AMOTL1: variants seen among roughly 807,000 people sequenced by gnomAD.
AMOTL1 encodes the protein angiomotin-like protein 1.
In AMOTL1, 45 loss-of-function variants were observed where a neutral mutation model predicts 102.9. The ratio of observed to expected loss-of-function variants is 0.44; its 90% CI spans 0.34 to 0.56. The LOEUF is 0.56. Among genes scored for constraint, AMOTL1 ranks in the 20% least tolerant of loss-of-function variants. The pLI is 0.01. For synonymous variants in AMOTL1, 481 were observed against 484.7 expected (o/e 0.99, Z 0.10); for missense variants, 1,114 against 1,225.6 (o/e 0.91, Z 1.36).
intron 6 of AMOTL1, among the ~76,000 whole-genome samples, chr11:94,834,654 T>C (rs1952137557): frequency 6.6e-6 from 1 of 152,182 alleles, no homozygotes; most frequent in Admixed American, 6.5e-5. Flanking sequence ...GCTGTGAAGC[T>C]TCTGCCAGCC....
chr11:94,860,129 T>C (rs1952747053), intron 9 of AMOTL1, among the ~76,000 whole-genome samples: 1 of 152,192 alleles, frequency 6.6e-6, no homozygotes, highest in African/African-American at 2.4e-5. Context: ...TGTGAAAGTA[T>C]ATTTAAGGCA....
intron 1 of AMOTL1, among the ~76,000 whole-genome samples, chr11:94,793,942 A>T (rs1230014337): frequency 1.3e-5 from 2 of 152,186 alleles, no homozygotes; most frequent in African/African-American, 4.8e-5. Flanking sequence ...ATACTGTTTC[A>T]TATGTTGAGG....
intron 9 of AMOTL1, among the ~76,000 whole-genome samples, chr11:94,863,227 G>A (rs1336400488): frequency 6.7e-6 from 1 of 149,662 alleles, no homozygotes; most frequent in Non-Finnish European, 1.5e-5. Context: ...GCTCATTAAT[G>A]TTGATAGCTG....
chr11:94,848,991 G>T (rs1952477338), intron 6 of AMOTL1, among the ~76,000 whole-genome samples: 1 of 152,220 alleles, frequency 6.6e-6, no homozygotes. Flanking sequence ...ATGGTTCAGT[G>T]TGGGTTGCTA....
chr11:94,805,525 G>T (rs776629048), intron 3 of AMOTL1, among the ~76,000 whole-genome samples: 2 of 152,114 alleles, frequency 1.3e-5, no homozygotes, highest in Non-Finnish European at 2.9e-5. Context: ...TATGTTTTAG[G>T]CAGTATCCAT....
At chr11:94,848,912 A>G (rs1428107316) in intron 6 of AMOTL1, among the ~76,000 whole-genome samples, 4 of 152,256 alleles carry the variant, frequency 2.6e-5, no homozygotes, top group African/African-American at 9.6e-5. Context: ...ATAGACAGAA[A>G]TATGAATGAA....
chr11:94,780,729 G>A (rs1565349030), intron 1 of AMOTL1, among the ~76,000 whole-genome samples: 1 of 152,072 alleles, frequency 6.6e-6, no homozygotes, highest in Admixed American at 6.5e-5. Context: ...ATTAATCTTC[G>A]TAACAGCCCT....
rs1183058709 is a variant in AMOTL1 at position 94,873,033 on chromosome 11, A to G, written c.*2238A>G. ...TAAATCAACTCTGCCAGCCCCTACC[A>G]TCAGGTCTGGGCCACCCCAAACTTG... On this transcript the variant is annotated 3_prime_UTR_variant, in exon 13 of 13. Coordinates refer to ENST00000433060, the MANE Select transcript of AMOTL1 (RefSeq NM_130847.3). 2 of 152,202 alleles carry G rather than the reference A, an allele frequency of 1.3e-5. No homozygotes were observed. The highest frequency in any genetic ancestry group is 1.9e-4 in the East Asian group (1 of 5,196). 9.4% of individuals were successfully genotyped at this position (152,202 alleles called of 1,614,324 possible).
At chr11:94,863,847 A>G (rs1952822732) in intron 9 of AMOTL1, among the ~76,000 whole-genome samples, 1 of 152,236 alleles carries the variant, frequency 6.6e-6, no homozygotes, top group Non-Finnish European at 1.5e-5. Flanking sequence ...ATAGTCAGAC[A>G]GATGCTTGCA....
At chr11:94,821,089 C>T (rs890870602) in intron 3 of AMOTL1, among the ~76,000 whole-genome samples, 2 of 152,160 alleles carry the variant, frequency 1.3e-5, no homozygotes, top group Non-Finnish European at 2.9e-5. Context: ...CCGCTCTGTC[C>T]AAACCACTGG....
At chr11:94,753,900 C>A (rs535576787) in intron 3 of AMOTL1, among the ~76,000 whole-genome samples, 1 of 152,308 alleles carries the variant, frequency 6.6e-6, no homozygotes, top group East Asian at 1.9e-4. Flanking sequence ...ACAGTCCTTC[C>A]CTCAAAGAAC....
chr11:94,740,840 C>T lies in AMOTL1; in HGVS notation c.86-98C>T. On this transcript the variant is annotated intron_variant, in intron 2 of 4. Transcript: ENST00000299004. The stretch of plus-strand genomic sequence containing the variant: ...TTCTGAGCGCTGGGAGAGAGAAGCC[C>T]GCGCTTTTCCCGGGGACCTGCGCTT... The T allele has an allele frequency of 2.0e-6, 2 of 1,021,932 alleles. 1 individual carries two copies. The highest frequency in any genetic ancestry group is 3.4e-5 in the African/African-American group (2 of 59,542). 63.3% of individuals were successfully genotyped at this position (1,021,932 alleles called of 1,614,324 possible). A position where few individuals can be genotyped will look rare whatever the true frequency, so the allele number is the denominator to read the frequency against.
intron 2 of AMOTL1, chr11:94,797,055 C>T (rs1405754252): frequency 5.1e-6 from 5 of 980,676 alleles, no homozygotes; most frequent in Non-Finnish European, 1.2e-6. Flanking sequence ...ATCTGGATGA[C>T]TCATATTTGA....
intron 3 of AMOTL1, among the ~76,000 whole-genome samples, chr11:94,817,955 C>A (rs1447476817): frequency 6.6e-6 from 1 of 152,154 alleles, no homozygotes; most frequent in Admixed American, 6.5e-5. Flanking sequence ...GAGCTGTTTA[C>A]AGCTTTTAAT....
chr11:94,801,948 C>A (rs932961262), intron 3 of AMOTL1, among the ~76,000 whole-genome samples: 1 of 152,154 alleles, frequency 6.6e-6, no homozygotes, highest in South Asian at 2.1e-4. Context: ...TTTTCCCAAG[C>A]GACCTCAGTG....
At chr11:94,721,576 C>T (rs1198877624) in intron 1 of AMOTL1, among the ~76,000 whole-genome samples, 2 of 152,042 alleles carry the variant, frequency 1.3e-5, no homozygotes, top group Admixed American at 1.3e-4. Flanking sequence ...GTCCAGAGTG[C>T]TCTGTCTTTC....
intron 6 of AMOTL1, among the ~76,000 whole-genome samples, chr11:94,845,840 G>A (rs1401766009): frequency 6.6e-6 from 1 of 152,218 alleles, no homozygotes; most frequent in South Asian, 2.1e-4. Flanking sequence ...GTTCAGGGTA[G>A]TTCATATCCA....
chr11:94,780,233 C>T (rs907781261), intron 1 of AMOTL1, among the ~76,000 whole-genome samples: 7 of 152,178 alleles, frequency 4.6e-5, no homozygotes, highest in Middle Eastern at 3.2e-3. Context: ...GATGGAGCCT[C>T]TTAGGCAGCT....
At chr11:94,772,497 T>C (rs1950967977) in intron 1 of AMOTL1, among the ~76,000 whole-genome samples, 1 of 152,232 alleles carries the variant, frequency 6.6e-6, no homozygotes, top group South Asian at 2.1e-4. Flanking sequence ...TGAGATTGGC[T>C]TTTCACTCAG....
Sources: allele counts gnomAD v4.1 joint callset (sites outside exome capture counted in the v4.1 genomes callset), GRCh38; gene constraint gnomAD v4.1.1; transcripts MANE v1.5; gene names NCBI Gene and HGNC (gene_info 2026-07-23, HGNC 2026-07-21).